The following L2HGDH variants were observed in gnomAD, a reference collection of about 807,000 sequenced individuals.
The protein encoded by L2HGDH is L-2-hydroxyglutarate dehydrogenase, also known as L-2-hydroxyglutarate dehydrogenase, mitochondrial.
L2HGDH carries 34 observed loss-of-function variants against 51.5 expected under a neutral mutation model. That is an observed-to-expected ratio of 0.66 (90% confidence interval 0.50 to 0.88). The LOEUF (loss-of-function observed/expected upper bound fraction) is 0.88. Ranked by LOEUF, L2HGDH falls within the 40% of genes least tolerant of loss-of-function variation. The pLI, the probability that L2HGDH is intolerant of heterozygous loss-of-function variation, is 0.00. For missense variants in L2HGDH, 558 were observed against 571.9 expected (o/e 0.98, Z 0.25); for synonymous variants, 198 against 197.9 (o/e 1.00, Z -0.01).
chr14:50,274,775 C>T (rs1229901002), intron 6 of L2HGDH, among the ~76,000 whole-genome samples: 1 of 152,016 alleles, frequency 6.6e-6, no homozygotes, highest in East Asian at 1.9e-4. Context: ...ATACACAATG[C>T]AATATTATTC....
chr14:50,262,829 G>A (rs1286047804), intron 9 of L2HGDH, among the ~76,000 whole-genome samples: 1 of 151,490 alleles, frequency 6.6e-6, no homozygotes, highest in Non-Finnish European at 1.5e-5. Context: ...ATAACTATAG[G>A]AATCAAGAGA....
intron 5 of L2HGDH, among the ~76,000 whole-genome samples, chr14:50,282,268 C>T (rs575715140): frequency 6.6e-6 from 1 of 152,136 alleles, no homozygotes; most frequent in Non-Finnish European, 1.5e-5. Context: ...ACGATCTGGC[C>T]CCAATATCAA....
intron 1 of L2HGDH, among the ~76,000 whole-genome samples, chr14:50,304,942 AG>A (rs2030643090): frequency 6.6e-6 from 1 of 152,238 alleles, no homozygotes; most frequent in Non-Finnish European, 1.5e-5. Context: ...TGGATCTTAT[AG>A]GAACTGTAGA....
At chr14:50,309,141 A>C (rs1286711220) in intron 1 of L2HGDH, among the ~76,000 whole-genome samples, 1 of 152,140 alleles carries the variant, frequency 6.6e-6, no homozygotes, top group Non-Finnish European at 1.5e-5. Flanking sequence ...TGCAGAGCAA[A>C]AGTTTTTCAT....
At chr14:50,252,380 C>T (rs1888414236) in intron 9 of L2HGDH, among the ~76,000 whole-genome samples, 1 of 151,836 alleles carries the variant, frequency 6.6e-6, no homozygotes, top group African/African-American at 2.4e-5. Context: ...GACTGTAAAG[C>T]CACCAGAAAA....
chr14:50,262,778 T>C lies in L2HGDH; in HGVS notation c.1196+2580A>G, dbSNP rs540343185. On this transcript the variant is annotated intron_variant, in intron 9 of 9. Transcript: ENST00000267436. ...CCCCGAGAAACCCAAAAACATATCT[T>C]CTACAGCTTCCTTTTTGTTATTAAT... 9.8e-5 allele frequency among the ~76,000 whole-genome samples: 15 copies of C among 152,326 alleles called. No homozygotes were observed. In the South Asian group the frequency reaches 3.1e-3, roughly 32 times the overall value.
At chr14:50,273,530 G>A (rs1566517734) in intron 6 of L2HGDH, among the ~76,000 whole-genome samples, 1 of 151,758 alleles carries the variant, frequency 6.6e-6, no homozygotes, top group Non-Finnish European at 1.5e-5. Flanking sequence ...GAAAACACAG[G>A]GAAGACATTG....
rs758804177 is a variant in L2HGDH at position 50,302,166 on chromosome 14, C to T, written c.259G>A (p.Val87Ile). 1.1e-5 allele frequency: 17 copies of T among 1,613,948 alleles called. No homozygotes were observed. In the South Asian group the frequency reaches 1.5e-4, roughly 15 times the overall value. Residue 87 changes from valine (V) to isoleucine (I), a missense_variant and splice_region_variant, in exon 3 of 10, where the codon GTT becomes ATT. Physicochemically the swap from Val to Ile is conservative, Grantham distance 29. This residue lies in a region of L2HGDH where 194 missense variants were observed against 187.2 expected (regional missense o/e 1.04). Transcript: ENST00000267436. ...CCACTGTTATGTCCAGTCTGGTGAACAGCTACAGAACAAGAGAAACAGGGT... is the reference window on the plus strand; with the variant it reads ...CCACTGTTATGTCCAGTCTGGTGAATAGCTACAGAACAAGAGAAACAGGGT... ...GVLEKEKDLA[V>I]HQTGHNSGVI...
Position 50,245,756 on chromosome 14 carries a change from T to A in L2HGDH, c.*1302A>T. The A allele has an allele frequency of 1.0e-6, 1 of 985,366 alleles. No homozygotes were observed. The highest frequency in any genetic ancestry group is 1.2e-6 in the Non-Finnish European group (1 of 829,884). 61.0% of individuals were successfully genotyped at this position (985,366 alleles called of 1,614,324 possible). On this transcript the variant is annotated 3_prime_UTR_variant, in exon 10 of 10. Coordinates refer to ENST00000267436, the MANE Select transcript of L2HGDH (RefSeq NM_024884.3). ...AAGGAAATAATCTATTTTTATGCCA[T>A]CTTTCTCCAAAACTCTTAAAAAGCC... is the stretch of plus-strand genomic sequence containing the variant.
intron 9 of L2HGDH, among the ~76,000 whole-genome samples, chr14:50,253,444 C>T (rs755800531): frequency 6.6e-6 from 1 of 152,132 alleles, no homozygotes; most frequent in Non-Finnish European, 1.5e-5. Flanking sequence ...TGCTCAACAT[C>T]ACTGATCATC....
At chr14:50,280,348 G>A (rs893277279) in intron 5 of L2HGDH, among the ~76,000 whole-genome samples, 1 of 151,970 alleles carries the variant, frequency 6.6e-6, no homozygotes, top group African/African-American at 2.4e-5. Flanking sequence ...TGTATTTTTA[G>A]TGGAGATGGG....
At chr14:50,293,899 G>A (rs2029886376) in intron 4 of L2HGDH, among the ~76,000 whole-genome samples, 1 of 152,090 alleles carries the variant, frequency 6.6e-6, no homozygotes, top group South Asian at 2.1e-4. Flanking sequence ...GCCTCCTCTT[G>A]TCTTCATGTT....
intron 9 of L2HGDH, among the ~76,000 whole-genome samples, chr14:50,248,048 C>T (rs1251428177): frequency 6.6e-6 from 1 of 152,110 alleles, no homozygotes; most frequent in Non-Finnish European, 1.5e-5. Context: ...GATCCTCCCA[C>T]CTTAGCCTCC....
intron 4 of L2HGDH, among the ~76,000 whole-genome samples, chr14:50,286,725 C>A (rs1270580316): frequency 1.3e-5 from 2 of 152,120 alleles, no homozygotes; most frequent in African/African-American, 4.8e-5. Flanking sequence ...TCTGTGGAGG[C>A]CTCAGAGAGA....
chr14:50,273,612 G>C (rs1247446539), intron 6 of L2HGDH, among the ~76,000 whole-genome samples: 1 of 150,770 alleles, frequency 6.6e-6, no homozygotes, highest in Non-Finnish European at 1.5e-5. Context: ...TAAACAAGTG[G>C]GACTATATCA....
chr14:50,304,013 C>G (rs778334577), intron 1 of L2HGDH, among the ~76,000 whole-genome samples: 1 of 151,994 alleles, frequency 6.6e-6, no homozygotes, highest in Non-Finnish European at 1.5e-5. Flanking sequence ...CATTGGTAGG[C>G]GATTTCCTTG....
intron 9 of L2HGDH, among the ~76,000 whole-genome samples, chr14:50,248,764 C>T (rs1453488419): frequency 6.6e-6 from 1 of 152,166 alleles, no homozygotes; most frequent in Non-Finnish European, 1.5e-5. Flanking sequence ...AAGAAGCCTA[C>T]AAACATTGGT....
chr14:50,299,574 C>T (rs1291443587), intron 3 of L2HGDH, among the ~76,000 whole-genome samples: 1 of 152,110 alleles, frequency 6.6e-6, no homozygotes, highest in Non-Finnish European at 1.5e-5. Context: ...AAATCCTTAA[C>T]AAAATACTAG....
chr14:50,265,705 C>T (rs1052027294), intron 8 of L2HGDH, among the ~76,000 whole-genome samples: 6 of 151,966 alleles, frequency 3.9e-5, no homozygotes, highest in Admixed American at 2.6e-4. Context: ...CTTGAGGTCA[C>T]GAGTTTGAAA....
Sources: allele counts gnomAD v4.1 joint callset (sites outside exome capture counted in the v4.1 genomes callset), GRCh38; gene constraint gnomAD v4.1.1; regional missense constraint gnomAD v4.1.1; transcripts MANE v1.5; gene names NCBI Gene and HGNC (gene_info 2026-07-23, HGNC 2026-07-21).